Variants in SPAG7 observed in about 807,000 individuals in gnomAD.
SPAG7 encodes the protein sperm-associated antigen 7.
A neutral mutation model predicts 30.6 loss-of-function variants in SPAG7; 20 were observed. That is an observed-to-expected ratio of 0.65 (90% CI 0.46 to 0.95). The LOEUF is 0.95. SPAG7 is among the 40% of genes least tolerant of loss of function. The pLI, the probability that SPAG7 is intolerant of heterozygous loss-of-function variation, is 0.00. For missense variants in SPAG7, 276 were observed against 291.1 expected (o/e 0.95, Z 0.38); for synonymous variants, 127 against 104.2 (o/e 1.22, Z -1.33).
At position 4,959,342 on chromosome 17, in the gene SPAG7, C is replaced by CAT; in HGVS notation, c.*191_*192insAT. 1 of 601,918 alleles carries CAT rather than the reference C, an allele frequency of 1.7e-6. No individual in the cohort carries two copies. The highest frequency in any genetic ancestry group is 3.0e-6 in the Non-Finnish European group (1 of 337,260). The allele number at this position is 601,918 out of a possible 1,614,324, so 37.3% of individuals were successfully genotyped here. On this transcript the variant is annotated 3_prime_UTR_variant, in exon 7 of 7. Transcript: ENST00000206020. The stretch of plus-strand genomic sequence containing the variant: ...ACCTGTGCATTCACACTCTCACACA[C>CAT]ACACACACATGCCACGCACATATCC...
chr17:4,964,767 C>T (rs1284099605), intron 1 of SPAG7, among the ~76,000 whole-genome samples: 2 of 150,584 alleles, frequency 1.3e-5, no homozygotes, highest in African/African-American at 4.9e-5. Context: ...GACAGAGTCT[C>T]GCTGTGTGCC....
intron 1 of SPAG7, among the ~76,000 whole-genome samples, chr17:4,962,642 A>G (rs534510353): frequency 6.6e-6 from 1 of 152,010 alleles, no homozygotes; most frequent in East Asian, 1.9e-4. Context: ...TGGTATTTTT[A>G]TTTTATTTTA....
chr17:4,960,628 C>T, intron 2 of SPAG7, 81 bp from the exon 3 acceptor site: 2 of 1,369,152 alleles, frequency 1.5e-6, no homozygotes, highest in Non-Finnish European at 2.1e-6. Flanking sequence ...CTGGGCCCTT[C>T]TACGCCTCCC....
rs989512171 is a variant in SPAG7 at position 4,966,980 on chromosome 17, G to C, written c.85+740C>G. On this transcript the variant is annotated intron_variant, in intron 1 of 6. Transcript: ENST00000206020. Reference sequence around the variant, plus strand: ...CCAAGCTGCAACACGAGCAGCCCCGGGGAGGCTCCCACCGCCCTGCAGGGC... The same window carrying C: ...CCAAGCTGCAACACGAGCAGCCCCGCGGAGGCTCCCACCGCCCTGCAGGGC... The C allele has an allele frequency of 1.1e-5, 11 of 985,470 alleles. No homozygotes were observed. The African/African-American group carries it at 1.7e-4, about 16-fold the overall frequency. The allele number at this position is 985,470 out of a possible 1,614,324, so 61.0% of individuals were successfully genotyped here.
At chr17:4,961,700 GC>G (rs1404800095) in intron 1 of SPAG7, among the ~76,000 whole-genome samples, 1 of 148,088 alleles carries the variant, frequency 6.8e-6, no homozygotes, top group Non-Finnish European at 1.5e-5. Context: ...GGGAGGCGGA[GC>G]TTGCAGTGAG....
chr17:4,966,680 C>T, intron 1 of SPAG7: 1 of 985,470 alleles, frequency 1.0e-6, no homozygotes, highest in Non-Finnish European at 1.2e-6. Context: ...TCTCTCAGAG[C>T]ACTTATCAAG....
At chr17:4,966,492 C>T (rs560916763) in intron 1 of SPAG7, 428 of 736,230 alleles carry the variant, frequency 5.8e-4, no homozygotes, top group Non-Finnish European at 6.8e-4. Context: ...GTCATCGGAG[C>T]ATTAGAGAAT....
At chr17:4,961,050 C>T (rs548786322) in intron 1 of SPAG7, among the ~76,000 whole-genome samples, 197 bp from the exon 2 acceptor site, 203 of 152,276 alleles carry the variant, frequency 1.3e-3, no homozygotes, top group Middle Eastern at 3.4e-3. Context: ...ATTCCAAGAC[C>T]CTCAGTGGAT....
chr17:4,960,643 A>G, intron 2 of SPAG7, 96 bp from the exon 3 acceptor site: 3 of 1,301,324 alleles, frequency 2.3e-6, no homozygotes, highest in Non-Finnish European at 3.3e-6. Context: ...CCTCCCCAGC[A>G]CCCTCCCCAG....
Position 4,959,287 on chromosome 17 carries a change from A to G in SPAG7, c.*247T>C, listed in dbSNP as rs963168559. On this transcript the variant is annotated 3_prime_UTR_variant, in exon 7 of 7. Transcript: ENST00000206020. The stretch of plus-strand genomic sequence containing the variant: ...CAGCCCCATGGGGAAGAAAATTCCA[A>G]GAACGGGGAATAATACAGATTAAAT... 2 of 552,298 alleles carry G rather than the reference A, an allele frequency of 3.6e-6. No homozygotes were observed. Among genetic ancestry groups the G allele is most frequent in the Non-Finnish European group, 6.4e-6 (2 of 311,152 alleles). The allele number at this position is 552,298 out of a possible 1,614,324, so 34.2% of individuals were successfully genotyped here.
chr17:4,963,155 G>A (rs1971892169), intron 1 of SPAG7, among the ~76,000 whole-genome samples: 1 of 152,084 alleles, frequency 6.6e-6, no homozygotes, highest in South Asian at 2.1e-4. Context: ...TACTTTGGAA[G>A]GCCAAGGTGG....
intron 6 of SPAG7, 42 bp from the exon 7 acceptor site, chr17:4,959,685 A>G (rs371205789): frequency 1.6e-4 from 254 of 1,612,210 alleles, no homozygotes; most frequent in Non-Finnish European, 2.0e-4. Context: ...AGAAATCCGT[A>G]CCTCAGCCTC....
chr17:4,960,756 T>C (rs1256009832), intron 2 of SPAG7, 30 bp downstream of exon 2: 1 of 1,601,562 alleles, frequency 6.2e-7, no homozygotes, highest in Admixed American at 1.7e-5. Flanking sequence ...CCTTCCTGAG[T>C]CTGCCTTTGA....
chr17:4,959,966 C>T, intron 5 of SPAG7, 50 bp from the exon 6 acceptor site: 6 of 1,613,294 alleles, frequency 3.7e-6, no homozygotes, highest in Non-Finnish European at 5.1e-6. Context: ...GCCCAAACCC[C>T]CACCCCTCCC....
At chr17:4,967,292 A>C (rs1330846415) in intron 1 of SPAG7, 1 of 898,402 alleles carries the variant, frequency 1.1e-6, no homozygotes, top group East Asian at 1.1e-4. Flanking sequence ...AAGGTCGAAC[A>C]GGCCTGAGGA....
chr17:4,959,479 G>T lies in SPAG7; in HGVS notation c.*55C>A. ...GATGGGCTCTAATAGCAGCAGCCTT[G>T]TCTCTCCCTGCCCCCTGCCCTGCCC... On this transcript the variant is annotated 3_prime_UTR_variant, in exon 7 of 7. Coordinates refer to ENST00000206020, the MANE Select transcript of SPAG7 (RefSeq NM_004890.3). 7.0e-7 allele frequency: 1 copy of T among 1,428,778 alleles called. No individual in the cohort carries two copies. The highest frequency in any genetic ancestry group is 9.8e-7 in the Non-Finnish European group (1 of 1,021,982). 88.5% of individuals were successfully genotyped at this position (1,428,778 alleles called of 1,614,324 possible).
rs528473643 is a variant in SPAG7, at chr17:4,964,841, T to C, written c.85+2879A>G. Among the ~76,000 whole-genome samples the C allele has an allele frequency of 1.1e-4, 17 of 152,232 alleles. No homozygotes were observed. In the East Asian group the frequency reaches 3.3e-3, roughly 29 times the overall value. On this transcript the variant is annotated intron_variant, in intron 1 of 6. Coordinates refer to ENST00000206020, the MANE Select transcript of SPAG7 (RefSeq NM_004890.3). ...ACCTCTGCCTCCCGGGTTCCAGTGA[T>C]TCTCATGCCTCAGCCTCCCGAGTAG...
At chr17:4,960,658 C>T in intron 2 of SPAG7, 111 bp from the exon 3 acceptor site, 1 of 1,347,306 alleles carries the variant, frequency 7.4e-7, no homozygotes, top group South Asian at 1.2e-5. Flanking sequence ...CCCCAGCCTC[C>T]AAGCCACTGG....
At chr17:4,959,723 C>T (rs1487514129) in intron 6 of SPAG7, 37 bp downstream of exon 6, 5 of 1,613,998 alleles carry the variant, frequency 3.1e-6, no homozygotes, top group Non-Finnish European at 4.2e-6. Flanking sequence ...ATCCTATGCT[C>T]CTCTCCCAGC....
Sources: gnomAD v4.1 joint callset for allele counts (sites outside exome capture counted in the v4.1 genomes callset) on GRCh38, gnomAD v4.1.1 for gene constraint, MANE v1.5 for transcripts, NCBI Gene and HGNC (gene_info 2026-07-23, HGNC 2026-07-21) for gene names.